The following IL10RA variants were observed in gnomAD, a reference collection of about 807,000 sequenced individuals.
IL10RA encodes the protein interleukin-10 receptor subunit alpha.
A neutral mutation model predicts 29.6 loss-of-function variants in IL10RA; 18 were observed. The observed-to-expected ratio is 0.61, with a 90% CI of 0.42 to 0.90. IL10RA has a LOEUF of 0.90. IL10RA is among the 40% of genes least tolerant of loss of function. The probability of loss-of-function intolerance (pLI) is 0.00; values close to 1 mark genes in which losing one functional copy is unlikely to be tolerated. For synonymous variants in IL10RA, 292 were observed against 294.1 expected (o/e 0.99, Z 0.07); for missense variants, 634 against 716.6 (o/e 0.88, Z 1.32).
At chr11:118,001,625 G>A, downstream of IL10RA, 1 of 354,186 alleles carries the variant, frequency 2.8e-6, no homozygotes, top group Non-Finnish European at 5.5e-6. Context: ...AAATCTGACA[G>A]ACCCAGGGAG....
At chr11:117,991,074 G>T (rs1323049822) in intron 3 of IL10RA, among the ~76,000 whole-genome samples, 2 of 152,046 alleles carry the variant, frequency 1.3e-5, no homozygotes, top group African/African-American at 2.4e-5. Context: ...GCGTGCACCT[G>T]TAGTCTCAGC....
chr11:117,989,332 C>A lies in IL10RA; in HGVS notation c.189-110C>A. On this transcript the variant is annotated intron_variant, in intron 2 of 6. Transcript: ENST00000227752. This position sits in a 1 kb window ranked among gnomAD's most constrained non-coding sequence, Gnocchi z 4.5. ...CTAGAGGATATAGCCTGAGGGCTGT[C>A]CCAGTTTCTCCCAATGTGGGAGCTC... The A allele has an allele frequency of 1.0e-6, 1 of 977,062 alleles. No homozygotes were observed. Among genetic ancestry groups the A allele is most frequent in the Non-Finnish European group, 1.7e-6 (1 of 602,996 alleles). 60.5% of individuals were successfully genotyped at this position (977,062 alleles called of 1,614,324 possible).
intron 5 of IL10RA, chr11:117,994,879 G>T (rs2058046362): frequency 6.4e-6 from 1 of 155,526 alleles, no homozygotes; most frequent in South Asian, 2.0e-4. Context: ...TTCAGTTTGT[G>T]AAGGACACTC....
chr11:117,999,904 A>G lies in IL10RA; in HGVS notation c.*263A>G, dbSNP rs1438125077. 3.0e-6 allele frequency: 2 copies of G among 656,684 alleles called. No individual in the cohort carries two copies. The highest frequency in any genetic ancestry group is 5.6e-6 in the Non-Finnish European group (2 of 357,128). 40.7% of individuals were successfully genotyped at this position (656,684 alleles called of 1,614,324 possible). A position where few individuals can be genotyped will look rare whatever the true frequency, so the allele number is the denominator to read the frequency against. On this transcript the variant is annotated 3_prime_UTR_variant, in exon 7 of 7. Transcript: ENST00000227752. Reference sequence around the variant, plus strand: ...GGCCCTGCAGACTCTGGCAGAGCTGAGAAGGGCAGGGACCTTCTCCCTCCT... The same window carrying G: ...GGCCCTGCAGACTCTGGCAGAGCTGGGAAGGGCAGGGACCTTCTCCCTCCT...
At chr11:117,997,106 G>A (rs1006603058) in intron 6 of IL10RA, among the ~76,000 whole-genome samples, 1 of 152,222 alleles carries the variant, frequency 6.6e-6, no homozygotes, top group African/African-American at 2.4e-5. Flanking sequence ...ACAAGGAAGG[G>A]ATTTCAAATC....
chr11:117,990,375 GTTC>G (rs903015068), intron 3 of IL10RA, among the ~76,000 whole-genome samples: 10 of 149,202 alleles, frequency 6.7e-5, no homozygotes, highest in Non-Finnish European at 1.2e-4. Flanking sequence ...TTAACATTTT[GTTC>G]TTCTTTGTAT....
intron 2 of IL10RA, 66 bp downstream of exon 2, chr11:117,988,568 G>C: frequency 6.3e-7 from 1 of 1,587,294 alleles, no homozygotes; most frequent in South Asian, 1.1e-5. Context: ...TACTCTCCTA[G>C]CATGGGAAGA....
intron 1 of IL10RA, chr11:117,986,902 C>T (rs2057990293): frequency 8.2e-7 from 1 of 1,213,798 alleles, no homozygotes; most frequent in Non-Finnish European, 1.1e-6. Flanking sequence ...TCCTGACTCT[C>T]CCTTCTCTTA....
chr11:117,988,342 C>T (rs2058000421), intron 1 of IL10RA, 40 bp from the exon 2 acceptor site: 5 of 1,611,750 alleles, frequency 3.1e-6, no homozygotes, highest in East Asian at 2.2e-5. Context: ...TCAATGCCTG[C>T]CCCCCCTCCC....
At chr11:117,993,895 C>G (rs2058039998) in intron 4 of IL10RA, 104 bp from the exon 5 acceptor site, 1 of 905,148 alleles carries the variant, frequency 1.1e-6, no homozygotes, top group Non-Finnish European at 1.8e-6. Flanking sequence ...ACAAAGGATA[C>G]TGAAGGGGGT....
At chr11:117,995,325 T>C in intron 5 of IL10RA, 5 of 515,224 alleles carry the variant, frequency 9.7e-6, no homozygotes, top group Non-Finnish European at 1.8e-5. Flanking sequence ...CACTGTTCTG[T>C]TTGCTGTGAT....
chr11:118,002,215 G>GC (rs2058100088), downstream of IL10RA: 1 of 152,276 alleles, frequency 6.6e-6, no homozygotes, highest in Admixed American at 6.5e-5. Context: ...ACAAACCCAG[G>GC]CCCGCGGCCT....
Position 117,989,319 on chromosome 11 carries a change from G to A in IL10RA, c.189-123G>A. The A allele has an allele frequency of 1.1e-6, 1 of 885,382 alleles. No homozygotes were observed. 54.8% of individuals were successfully genotyped at this position (885,382 alleles called of 1,614,324 possible). A position where few individuals can be genotyped will look rare whatever the true frequency, so the allele number is the denominator to read the frequency against. ...GAGCTGCCGTGGACTAGAGGATATA[G>A]CCTGAGGGCTGTCCCAGTTTCTCCC... On this transcript the variant is annotated intron_variant, in intron 2 of 6. Coordinates refer to ENST00000227752, the MANE Select transcript of IL10RA (RefSeq NM_001558.4). This position sits in a 1 kb window ranked among gnomAD's most constrained non-coding sequence, Gnocchi z 4.5.
At chr11:117,992,172 T>TTC (rs2058027063) in intron 3 of IL10RA, among the ~76,000 whole-genome samples, 1 of 152,246 alleles carries the variant, frequency 6.6e-6, no homozygotes, top group Admixed American at 6.5e-5. Flanking sequence ...GGGATACAGG[T>TTC]ATCTCTTCAA....
chr11:117,987,594 T>C (rs1300625352), intron 1 of IL10RA: 1 of 153,846 alleles, frequency 6.5e-6, no homozygotes, highest in African/African-American at 2.4e-5. Flanking sequence ...AACAAGACTC[T>C]TAAAGTAGAA....
At position 117,986,552 on chromosome 11, in the gene IL10RA, G is replaced by C; in HGVS notation, c.67+18G>C. 2 of 1,551,604 alleles carry C rather than the reference G, an allele frequency of 1.3e-6. No individual in the cohort carries two copies. The highest frequency in any genetic ancestry group is 8.7e-7 in the Non-Finnish European group (1 of 1,147,220). The stretch of plus-strand genomic sequence containing the variant: ...CGCTCATGGTAAGGCTCCGGGACGC[G>C]GCCCTTCCCTGCCCTGCCCTCTCCG... On this transcript the variant is annotated intron_variant, in intron 1 of 6. Transcript: ENST00000227752.
rs1460799254 is a variant in IL10RA, at chr11:117,986,462, C to T, written c.-6C>T. On this transcript the variant is annotated 5_prime_UTR_variant, in exon 1 of 7. Coordinates refer to ENST00000227752, the MANE Select transcript of IL10RA (RefSeq NM_001558.4). ...CTCCGGCCCCGGACGATGCGGCGCG[C>T]CCAGGATGCTGCCGTGCCTCGTAGT... 2 of 1,552,100 alleles carry T rather than the reference C, an allele frequency of 1.3e-6. No homozygotes were observed. The highest frequency in any genetic ancestry group is 2.4e-5 in the East Asian group (1 of 41,134).
intron 3 of IL10RA, among the ~76,000 whole-genome samples, chr11:117,991,069 C>T (rs935708044): frequency 2.0e-5 from 3 of 152,034 alleles, no homozygotes; most frequent in South Asian, 2.1e-4. Flanking sequence ...TGGTGGCGTG[C>T]ACCTGTAGTC....
chr11:117,999,242 C>T lies in IL10RA; in HGVS notation c.1338C>T (p.Tyr446=), dbSNP rs1043695105. 6.8e-6 allele frequency: 11 copies of T among 1,614,140 alleles called. No homozygotes were observed. The highest frequency in any genetic ancestry group is 1.3e-5 in the African/African-American group (1 of 74,948). The change falls in exon 7 of 7, where the codon TAC becomes TAT. Residue 446 remains tyrosine, a synonymous_variant. Coordinates refer to ENST00000227752, the MANE Select transcript of IL10RA (RefSeq NM_001558.4). ...EDPAAVAFQG[Y]LRQTRCAEEK... is the part of the protein sequence containing the mutation. The stretch of plus-strand genomic sequence containing the variant: ...CAGCTGCTGTGGCATTCCAGGGTTA[C>T]CTGAGGCAGACCAGATGTGCTGAAG...
Sources: gnomAD v4.1 joint callset for allele counts (sites outside exome capture counted in the v4.1 genomes callset) on GRCh38, gnomAD v4.1.1 for gene constraint, Gnocchi (gnomAD v3.1) non-coding constraint, MANE v1.5 for transcripts, NCBI Gene and HGNC (gene_info 2026-07-23, HGNC 2026-07-21) for gene names.